The following HUNK variants were observed in gnomAD, a reference collection of about 807,000 sequenced individuals.
The protein encoded by HUNK is hormonally up-regulated Neu-associated kinase, also known as hormonally up-regulated neu tumor-associated kinase.
HUNK carries 21 observed loss-of-function variants against 61.0 expected under a neutral mutation model. The observed-to-expected ratio is 0.34, with a 90% confidence interval of 0.24 to 0.50. The LOEUF is 0.50. Ranked by LOEUF, HUNK falls within the 20% of genes least tolerant of loss-of-function variation. The pLI, the probability that HUNK is intolerant of heterozygous loss-of-function variation, is 0.98. For synonymous variants in HUNK, 371 were observed against 386.1 expected, an observed-to-expected ratio of 0.96 and a Z score of 0.46; for missense variants, 772 against 945.7, an observed-to-expected ratio of 0.82 and a Z score of 2.41.
chr21:31,936,725 G>A (rs1047534390), intron 2 of HUNK, among the ~76,000 whole-genome samples: 4 of 151,938 alleles, frequency 2.6e-5, no homozygotes, highest in South Asian at 2.1e-4. Flanking sequence ...TTTGAAAAGC[G>A]GATATTTTTT....
chr21:31,905,156 A>G (rs2123802007), intron 1 of HUNK, among the ~76,000 whole-genome samples: 1 of 152,258 alleles, frequency 6.6e-6, no homozygotes, highest in South Asian at 2.1e-4. Flanking sequence ...GTGTCTTTAT[A>G]AGAAGAGGAA....
chr21:31,897,945 A>G (rs2052436706), intron 1 of HUNK, among the ~76,000 whole-genome samples: 1 of 152,148 alleles, frequency 6.6e-6, no homozygotes, highest in Admixed American at 6.5e-5. Context: ...ATCATTGTTA[A>G]GTGCACTTGG....
intron 1 of HUNK, among the ~76,000 whole-genome samples, chr21:31,886,330 G>A (rs2052345255): frequency 1.3e-5 from 2 of 151,268 alleles, no homozygotes; most frequent in Non-Finnish European, 2.9e-5. Context: ...GCTGAGGCAT[G>A]AGAATCACAT....
chr21:31,988,729 C>T (rs1009165698), intron 8 of HUNK, among the ~76,000 whole-genome samples: 1 of 147,872 alleles, frequency 6.8e-6, no homozygotes, highest in African/African-American at 2.5e-5. Flanking sequence ...CTTTCTTCCT[C>T]TCTTTCTTCT....
intron 8 of HUNK, 141 bp downstream of exon 8, chr21:31,983,750 A>C: frequency 4.7e-6 from 3 of 633,710 alleles, no homozygotes; most frequent in Non-Finnish European, 8.3e-6. Flanking sequence ...AGCCCTTGAG[A>C]AATGGTTTAC....
chr21:31,994,717 C>T (rs1196468235), intron 9 of HUNK, among the ~76,000 whole-genome samples: 1 of 152,186 alleles, frequency 6.6e-6, no homozygotes, highest in Non-Finnish European at 1.5e-5. Flanking sequence ...TTTTAAAAAA[C>T]ATTTTAATAA....
intron 8 of HUNK, among the ~76,000 whole-genome samples, chr21:31,989,713 C>CAAAAA (rs758563763): frequency 3.7e-5 from 3 of 80,292 alleles, no homozygotes; most frequent in African/African-American, 4.8e-5. Context: ...GACTCGGTCT[C>CAAAAA]AAAAAAAAAA....
chr21:31,916,043 CTTTTTTT>C (rs34245381), intron 1 of HUNK, among the ~76,000 whole-genome samples: 1 of 81,772 alleles, frequency 1.2e-5, no homozygotes, highest in Non-Finnish European at 2.1e-5. Flanking sequence ...TAAGTGCTTT[CTTTTTTT>C]TTTTTTTTTT....
At chr21:31,972,371 AG>A (rs1648846714) in intron 6 of HUNK, among the ~76,000 whole-genome samples, 3 of 152,244 alleles carry the variant, frequency 2.0e-5, no homozygotes, top group African/African-American at 7.2e-5. Context: ...AGATTGGTTA[AG>A]TGATACTTGA....
At chr21:31,989,341 G>A (rs1181512677) in intron 8 of HUNK, among the ~76,000 whole-genome samples, 2 of 152,178 alleles carry the variant, frequency 1.3e-5, no homozygotes, top group Admixed American at 6.5e-5. Flanking sequence ...TTCACTTTGT[G>A]TCTTATTTCA....
chr21:31,921,726 C>T (rs925378939), intron 1 of HUNK, among the ~76,000 whole-genome samples: 1 of 152,198 alleles, frequency 6.6e-6, no homozygotes, highest in African/African-American at 2.4e-5. Context: ...CCTTAGTTCA[C>T]CCTGGGGGTG....
chr21:31,903,216 G>A (rs1308621493), intron 1 of HUNK, among the ~76,000 whole-genome samples: 1 of 151,838 alleles, frequency 6.6e-6, no homozygotes, highest in East Asian at 1.9e-4. Flanking sequence ...TCCAATCACA[G>A]CTACCCCTCC....
chr21:31,917,747 CACACACA>C (rs2052594964), intron 1 of HUNK, among the ~76,000 whole-genome samples: 10 of 146,602 alleles, frequency 6.8e-5, no homozygotes, highest in Non-Finnish European at 1.3e-4. Flanking sequence ...CACACACACA[CACACACA>C]CACCCCTGGA....
intron 1 of HUNK, among the ~76,000 whole-genome samples, chr21:31,881,139 C>T (rs8127546): frequency 0.34 from 52,060 of 152,082 alleles, 9,390 homozygotes; most frequent in Middle Eastern, 0.46. Context: ...TCAGCACTGA[C>T]GGGGAATCTG....
intron 1 of HUNK, among the ~76,000 whole-genome samples, chr21:31,914,195 G>A (rs1354120651): frequency 1.3e-5 from 2 of 151,912 alleles, no homozygotes; most frequent in Non-Finnish European, 2.9e-5. Context: ...ATCACCTGTG[G>A]TCAGGAGTTC....
intron 1 of HUNK, among the ~76,000 whole-genome samples, chr21:31,917,992 T>A (rs1437916278): frequency 6.6e-6 from 1 of 152,246 alleles, no homozygotes; most frequent in Non-Finnish European, 1.5e-5. Flanking sequence ...GATCCATTAT[T>A]GCATTAGGCT....
At chr21:31,998,198 C>T (rs977478165) in intron 10 of HUNK, among the ~76,000 whole-genome samples, 7 of 152,182 alleles carry the variant, frequency 4.6e-5, no homozygotes, top group African/African-American at 1.4e-4. Context: ...GGATCACAGG[C>T]GTGAGCCACC....
At chr21:31,995,274 G>T (rs564652693) in intron 9 of HUNK, among the ~76,000 whole-genome samples, 2 of 151,948 alleles carry the variant, frequency 1.3e-5, no homozygotes, top group African/African-American at 4.8e-5. Flanking sequence ...CATCAGGACC[G>T]CTCAGGGCTC....
At chr21:31,931,805 C>T (rs948851450) in intron 2 of HUNK, among the ~76,000 whole-genome samples, 9 of 152,174 alleles carry the variant, frequency 5.9e-5, no homozygotes, top group Non-Finnish European at 1.2e-4. Flanking sequence ...GTTCCTGCCC[C>T]TCAGCCTAGA....
Sources: allele counts gnomAD v4.1 joint callset (sites outside exome capture counted in the v4.1 genomes callset), GRCh38; gene constraint gnomAD v4.1.1; transcripts MANE v1.5; gene names NCBI Gene and HGNC (gene_info 2026-07-23, HGNC 2026-07-21).